SORCS1: variants seen among roughly 807,000 people sequenced by gnomAD.
SORCS1 encodes the protein VPS10 domain-containing receptor SorCS1.
Under a neutral mutation model 146.1 loss-of-function variants are expected in SORCS1, and 60 were observed. That is an observed-to-expected ratio of 0.41 (90% CI 0.33 to 0.51). SORCS1 has a LOEUF of 0.51. Ranked by LOEUF, SORCS1 falls within the 20% of genes least tolerant of loss-of-function variation. SORCS1 has a pLI of 0.21. For synonymous variants in SORCS1, 637 were observed against 584.0 expected, an observed-to-expected ratio of 1.09 and a Z score of -1.31; for missense variants, 1,352 against 1,487.6, an observed-to-expected ratio of 0.91 and a Z score of 1.50.
At chr10:107,056,846 G>A (rs1407391208) in intron 1 of SORCS1, among the ~76,000 whole-genome samples, 1 of 152,216 alleles carries the variant, frequency 6.6e-6, no homozygotes, top group Non-Finnish European at 1.5e-5. Context: ...TAATGTAGGA[G>A]AGGTTCATGT....
At chr10:107,106,616 T>C (rs890967857) in intron 1 of SORCS1, among the ~76,000 whole-genome samples, 5 of 152,340 alleles carry the variant, frequency 3.3e-5, no homozygotes, top group African/African-American at 1.2e-4. Flanking sequence ...CAGCTCTCAG[T>C]ATCAGGAATA....
At position 106,652,547 on chromosome 10, in the gene SORCS1, C is replaced by T. The variant is rs145603997; in HGVS notation, c.2310G>A (p.Arg770=). ...GQSYLNSTGY[R]KVVSNNCTDG... is the part of the protein sequence containing the mutation. ...CAGTGCAATTATTGGAAACCACCTT[C>T]CTGTACCTAAATGGAAAAAAGCTCA... The change falls in exon 18 of 26, where the codon AGG becomes AGA. Residue 770 remains arginine, a synonymous_variant. Coordinates refer to ENST00000263054, the MANE Select transcript of SORCS1 (RefSeq NM_052918.5). The T allele has an allele frequency of 3.8e-5, 62 of 1,612,496 alleles. No homozygotes were observed. The highest frequency in any genetic ancestry group is 4.8e-5 in the Non-Finnish European group (56 of 1,178,860).
intron 1 of SORCS1, among the ~76,000 whole-genome samples, chr10:107,009,744 GA>G: frequency 6.6e-6 from 1 of 152,126 alleles, no homozygotes; most frequent in East Asian, 1.9e-4. Flanking sequence ...ATTTTCTGAC[GA>G]AAATGTTAGA....
intron 1 of SORCS1, among the ~76,000 whole-genome samples, chr10:107,039,858 T>C (rs1236648445): frequency 6.6e-6 from 1 of 152,078 alleles, no homozygotes; most frequent in African/African-American, 2.4e-5. Flanking sequence ...GTCTATAACC[T>C]CAACACTTTG....
At position 106,577,198 on chromosome 10, in the gene SORCS1, G is replaced by GT. The variant is rs746811732; in HGVS notation, c.*221dup. Reference sequence around the variant, plus strand: ...TATGTTTTGTTTTGTTTTTGTTTTTGTTTTTTTACTGGCGTCCTCCATTCA... The same window carrying GT: ...TATGTTTTGTTTTGTTTTTGTTTTTGTTTTTTTTACTGGCGTCCTCCATTCA... On this transcript the variant is annotated 3_prime_UTR_variant, in exon 26 of 26. Coordinates refer to ENST00000263054, the MANE Select transcript of SORCS1 (RefSeq NM_052918.5). 4.0e-6 allele frequency: 6 copies of GT among 1,518,336 alleles called. No homozygotes were observed. Among genetic ancestry groups the GT allele is most frequent in the East Asian group, 5.2e-5 (2 of 38,186 alleles). 94.1% of individuals were successfully genotyped at this position (1,518,336 alleles called of 1,614,324 possible).
At chr10:106,802,528 C>T (rs552344123) in intron 3 of SORCS1, among the ~76,000 whole-genome samples, 8 of 149,026 alleles carry the variant, frequency 5.4e-5, no homozygotes, top group Admixed American at 5.4e-4. Context: ...GATGGAGTTT[C>T]ACTCTTTTTG....
At chr10:106,938,277 T>C (rs1218807973) in intron 2 of SORCS1, among the ~76,000 whole-genome samples, 1 of 152,172 alleles carries the variant, frequency 6.6e-6, no homozygotes, top group Non-Finnish European at 1.5e-5. Context: ...AAGTTGATGT[T>C]TGTCATTATA....
chr10:106,728,156 C>A (rs1242988342), intron 6 of SORCS1, among the ~76,000 whole-genome samples: 1 of 152,072 alleles, frequency 6.6e-6, no homozygotes, highest in South Asian at 2.1e-4. Flanking sequence ...CTCCACCTCC[C>A]AAGTCGCTGG....
chr10:106,930,735 C>CT (rs35910284), intron 2 of SORCS1, among the ~76,000 whole-genome samples: 3 of 151,952 alleles, frequency 2.0e-5, no homozygotes, highest in African/African-American at 7.3e-5. Context: ...AGAACTTTTT[C>CT]TTTTTTTAAT....
intron 1 of SORCS1, among the ~76,000 whole-genome samples, chr10:107,129,319 C>T (rs897964544): frequency 6.6e-6 from 1 of 152,166 alleles, no homozygotes; most frequent in African/African-American, 2.4e-5. Flanking sequence ...AATTTAGTTG[C>T]CGTGGGACGA....
intron 23 of SORCS1, among the ~76,000 whole-genome samples, chr10:106,600,884 C>T (rs1393925185): frequency 6.6e-6 from 1 of 152,172 alleles, no homozygotes; most frequent in East Asian, 1.9e-4. Context: ...AGACGTCTGG[C>T]AGGATAGGTT....
In SORCS1 at chr10:106,709,306, T is replaced by C; in HGVS notation, c.1060A>G (p.Thr354Ala). 2 of 1,613,928 alleles carry C rather than the reference T, an allele frequency of 1.2e-6. No individual in the cohort carries two copies. Among genetic ancestry groups the C allele is most frequent in the African/African-American group, 1.3e-5 (1 of 75,014 alleles). ...HYLTCRMQNC[T>A]EANRNQPFPG... ...AAAGGCTGATTCCTGTTGGCCTCTG[T>C]ACAGTTCTGCATTCGGCAAGTTAGA... The change falls in exon 7 of 26, where the codon ACA becomes GCA. Residue 354 changes from threonine (T) to alanine (A), a missense_variant. This residue lies in a region of SORCS1 where 490 missense variants were observed against 489.1 expected (regional missense o/e 1.00). Coordinates refer to ENST00000263054, the MANE Select transcript of SORCS1 (RefSeq NM_052918.5).
intron 24 of SORCS1, among the ~76,000 whole-genome samples, chr10:106,593,441 G>C (rs1845731143): frequency 6.6e-6 from 1 of 152,154 alleles, no homozygotes. Context: ...CTGTGCTCCT[G>C]TGGACACCGC....
At chr10:106,897,565 C>A (rs924588383) in intron 2 of SORCS1, among the ~76,000 whole-genome samples, 2 of 152,074 alleles carry the variant, frequency 1.3e-5, no homozygotes, top group African/African-American at 4.8e-5. Context: ...TTTTCCAACA[C>A]CTCCATACCA....
chr10:106,874,139 C>CAGAA (rs541742075), intron 2 of SORCS1, among the ~76,000 whole-genome samples: 98 of 152,300 alleles, frequency 6.4e-4, no homozygotes, highest in African/African-American at 2.3e-3. Context: ...TGCATAACCA[C>CAGAA]AGAAAACTCT....
chr10:106,770,985 C>T (rs565890784), intron 4 of SORCS1, among the ~76,000 whole-genome samples: 1 of 152,240 alleles, frequency 6.6e-6, no homozygotes, highest in Non-Finnish European at 1.5e-5. Flanking sequence ...GGGCAGCAGG[C>T]CCTTCTCTGG....
At chr10:107,179,102 T>A in the SORCS1 span, among the ~76,000 whole-genome samples, 1 of 152,196 alleles carries the variant, frequency 6.6e-6, no homozygotes. Context: ...AGCTCCCTTT[T>A]CTCTGCATCC....
At chr10:106,609,983 C>G (rs1263933950) in intron 22 of SORCS1, among the ~76,000 whole-genome samples, 1 of 152,184 alleles carries the variant, frequency 6.6e-6, no homozygotes, top group Non-Finnish European at 1.5e-5. Context: ...AGTCATCCTT[C>G]TTGGACAGCA....
chr10:106,644,516 A>G (rs767395754), intron 18 of SORCS1, among the ~76,000 whole-genome samples: 3 of 151,868 alleles, frequency 2.0e-5, no homozygotes, highest in Non-Finnish European at 4.4e-5. Flanking sequence ...ACAGGTGCCC[A>G]CCACCACGCC....
Sources: gnomAD v4.1 joint callset for allele counts (sites outside exome capture counted in the v4.1 genomes callset) on GRCh38, gnomAD v4.1.1 for gene constraint, gnomAD v4.1.1 regional missense constraint, MANE v1.5 for transcripts, NCBI Gene and HGNC (gene_info 2026-07-23, HGNC 2026-07-21) for gene names.